AFG1L: variants seen among roughly 807,000 people sequenced by gnomAD.
AFG1L encodes the protein AFG1-like ATPase.
In AFG1L, 53 loss-of-function variants were observed where a neutral mutation model predicts 62.2. That is an observed-to-expected ratio of 0.85 (90% CI 0.68 to 1.07). The LOEUF is 1.07. AFG1L is among the 50% of genes least tolerant of loss of function. The pLI is 0.00. For missense variants in AFG1L, 555 were observed against 590.5 expected (o/e 0.94, Z 0.62); for synonymous variants, 228 against 210.3 (o/e 1.08, Z -0.73).
At chr6:108,520,013 G>A (rs58105991) in intron 12 of AFG1L, 1 of 382,242 alleles carries the variant, frequency 2.6e-6, no homozygotes, top group South Asian at 3.2e-5. Flanking sequence ...AGGAACCTTA[G>A]TGGTCATGTA....
chr6:108,427,823 A>G (rs1049086530), intron 7 of AFG1L, among the ~76,000 whole-genome samples: 8 of 152,132 alleles, frequency 5.3e-5, no homozygotes, highest in African/African-American at 1.9e-4. Context: ...CCCCGGCCTC[A>G]AAATGGAATT....
chr6:108,330,118 A>T (rs1372675947), intron 2 of AFG1L, among the ~76,000 whole-genome samples: 1 of 151,806 alleles, frequency 6.6e-6, no homozygotes, highest in Non-Finnish European at 1.5e-5. Flanking sequence ...GGCCCTCACT[A>T]GGTGGGGTCC....
chr6:108,327,396 TA>T (rs1363791081), intron 2 of AFG1L, among the ~76,000 whole-genome samples: 5 of 152,240 alleles, frequency 3.3e-5, no homozygotes, highest in Non-Finnish European at 5.9e-5. Context: ...ATAAACTGGG[TA>T]GCTTATAAAC....
In AFG1L at chr6:108,355,724, T is replaced by A; in HGVS notation, c.486T>A (p.His162Gln). ...AAATGAAGAGGAAAAAACGGGTTCATTTTCATGGTTTCATGCTAGATGTGC... is the reference window on the plus strand; with the variant it reads ...AAATGAAGAGGAAAAAACGGGTTCAATTTCATGGTTTCATGCTAGATGTGC... ...YVEMKRKKRV[H>Q]FHGFMLDVHK... Residue 162 changes from histidine to glutamine, a missense_variant, in exon 4 of 13, where the codon CAT becomes CAA. His to Gln is a conservative substitution (Grantham distance 24, BLOSUM62 0). Coordinates refer to ENST00000368977, the MANE Select transcript of AFG1L (RefSeq NM_145315.5). 1.9e-6 allele frequency: 3 copies of A among 1,610,854 alleles called. No individual in the cohort carries two copies. The highest frequency in any genetic ancestry group is 2.5e-6 in the Non-Finnish European group (3 of 1,178,712).
intron 1 of AFG1L, among the ~76,000 whole-genome samples, chr6:108,303,532 C>G (rs1777089427): frequency 6.6e-6 from 1 of 152,204 alleles, no homozygotes; most frequent in African/African-American, 2.4e-5. Context: ...ATACCTGATA[C>G]TTCAATTTCC....
At chr6:108,338,829 A>T (rs1448845669) in intron 2 of AFG1L, among the ~76,000 whole-genome samples, 1 of 152,156 alleles carries the variant, frequency 6.6e-6, no homozygotes, top group African/African-American at 2.4e-5. Flanking sequence ...AAGATGCGAG[A>T]CCCCGTTACC....
At chr6:108,341,910 G>A (rs990778551) in intron 2 of AFG1L, among the ~76,000 whole-genome samples, 5 of 152,248 alleles carry the variant, frequency 3.3e-5, no homozygotes, top group Admixed American at 1.3e-4. Flanking sequence ...CTAATGTTAC[G>A]TGTGTGCATT....
At chr6:108,412,040 C>T (rs117602771) in intron 7 of AFG1L, among the ~76,000 whole-genome samples, 1 of 152,104 alleles carries the variant, frequency 6.6e-6, no homozygotes, top group Admixed American at 6.6e-5. Context: ...GAATGTCTAA[C>T]TAGAAAAAAC....
intron 12 of AFG1L, chr6:108,520,478 A>T (rs1202301509): frequency 2.0e-5 from 3 of 152,174 alleles, no homozygotes; most frequent in African/African-American, 7.2e-5. Context: ...TTCTATAAGA[A>T]CGTTATGAGA....
intron 10 of AFG1L, among the ~76,000 whole-genome samples, chr6:108,504,408 G>A (rs1257351901): frequency 6.6e-6 from 1 of 152,006 alleles, no homozygotes; most frequent in Non-Finnish European, 1.5e-5. Flanking sequence ...AGAAAGATGG[G>A]GGAACAGCCA....
At chr6:108,359,153 G>A (rs1255304212) in intron 5 of AFG1L, 1 of 151,986 alleles carries the variant, frequency 6.6e-6, no homozygotes, top group African/African-American at 2.4e-5. Flanking sequence ...TGAGGATGGG[G>A]CTTATGAAAG....
chr6:108,421,297 C>G (rs1389887562), intron 7 of AFG1L, among the ~76,000 whole-genome samples: 2 of 152,044 alleles, frequency 1.3e-5, no homozygotes, highest in African/African-American at 4.8e-5. Context: ...TGCTTGAACT[C>G]TATATTGAGG....
intron 5 of AFG1L, among the ~76,000 whole-genome samples, chr6:108,364,083 C>T (rs1471982396): frequency 6.6e-6 from 1 of 152,202 alleles, no homozygotes; most frequent in Non-Finnish European, 1.5e-5. Flanking sequence ...TATTAGCAGA[C>T]TACCCTTATT....
chr6:108,509,392 G>T (rs1009229407), intron 10 of AFG1L, among the ~76,000 whole-genome samples: 3 of 152,136 alleles, frequency 2.0e-5, no homozygotes, highest in Non-Finnish European at 2.9e-5. Context: ...TTGAATAATT[G>T]TACCTTAAAT....
chr6:108,378,700 G>A (rs1212332497), intron 6 of AFG1L, among the ~76,000 whole-genome samples: 1 of 151,988 alleles, frequency 6.6e-6, no homozygotes, highest in Non-Finnish European at 1.5e-5. Flanking sequence ...GAAATTTTTT[G>A]GTGGTGTCAC....
chr6:108,395,854 G>A (rs1582509769), intron 6 of AFG1L, among the ~76,000 whole-genome samples: 1 of 149,952 alleles, frequency 6.7e-6, no homozygotes, highest in East Asian at 2.0e-4. Flanking sequence ...GAGAGAGAAT[G>A]GAGTCTTGCT....
chr6:108,443,363 A>G (rs1771625674), intron 7 of AFG1L, among the ~76,000 whole-genome samples: 2 of 152,146 alleles, frequency 1.3e-5, no homozygotes, highest in South Asian at 2.1e-4. Flanking sequence ...AAGCATTCCA[A>G]CCAATAAGAA....
At chr6:108,433,511 T>A (rs964311026) in intron 7 of AFG1L, among the ~76,000 whole-genome samples, 8 of 152,016 alleles carry the variant, frequency 5.3e-5, no homozygotes, top group African/African-American at 1.9e-4. Context: ...GGTCTCGAAC[T>A]CCTGACCTTA....
chr6:108,380,258 G>A (rs1780442017), intron 6 of AFG1L, among the ~76,000 whole-genome samples: 1 of 152,110 alleles, frequency 6.6e-6, no homozygotes, highest in South Asian at 2.1e-4. Context: ...AGAGAGCCTC[G>A]CAGCACCGCA....
Sources: allele counts gnomAD v4.1 joint callset (sites outside exome capture counted in the v4.1 genomes callset), GRCh38; gene constraint gnomAD v4.1.1; transcripts MANE v1.5; gene names NCBI Gene and HGNC (gene_info 2026-07-23, HGNC 2026-07-21).